The following EIF2S1 variants were observed in gnomAD, a reference collection of about 807,000 sequenced individuals.
EIF2S1 encodes the protein eukaryotic translation initiation factor 2 subunit alpha, also known as eukaryotic translation initiation factor 2 subunit 1.
In EIF2S1, 5 loss-of-function variants were observed where a neutral mutation model predicts 33.5. That is an observed-to-expected ratio of 0.15 (90% CI 0.08 to 0.31). The LOEUF (loss-of-function observed/expected upper bound fraction) is 0.31. EIF2S1 is among the 10% of genes least tolerant of loss of function. The probability of loss-of-function intolerance (pLI) is 1.00; values close to 1 mark genes in which losing one functional copy is unlikely to be tolerated. For missense variants in EIF2S1, 191 were observed against 384.6 expected, an observed-to-expected ratio of 0.50 and a Z score of 4.21; for synonymous variants, 99 against 127.5, an observed-to-expected ratio of 0.78 and a Z score of 1.51.
chr14:67,374,849 G>A (rs1223977181), intron 3 of EIF2S1, among the ~76,000 whole-genome samples: 4 of 152,016 alleles, frequency 2.6e-5, no homozygotes, highest in Admixed American at 1.3e-4. Context: ...AGTGATCCTT[G>A]AGCCTCAGCC....
chr14:67,376,416 T>C, intron 3 of EIF2S1, 23 bp from the exon 4 acceptor site: 6 of 1,567,714 alleles, frequency 3.8e-6, no homozygotes, highest in Non-Finnish European at 5.2e-6. Context: ...TTTGAATTGT[T>C]GAGCTTTTCA....
At chr14:67,368,559 A>C (rs1176545458) in intron 2 of EIF2S1, among the ~76,000 whole-genome samples, 2 of 152,236 alleles carry the variant, frequency 1.3e-5, no homozygotes, top group Non-Finnish European at 2.9e-5. Context: ...TAAATATAGA[A>C]GCTAAGAAAA....
chr14:67,366,401 A>G (rs923654227), intron 2 of EIF2S1, among the ~76,000 whole-genome samples: 6 of 152,224 alleles, frequency 3.9e-5, no homozygotes, highest in Admixed American at 6.5e-5. Context: ...AATATACACA[A>G]AAGGAGGAAT....
rs2085900326 is a variant in EIF2S1, at chr14:67,383,387, G to A, written c.895G>A (p.Glu299Lys). 6.2e-7 allele frequency: 1 copy of A among 1,613,560 alleles called. No homozygotes were observed. Among genetic ancestry groups the A allele is most frequent in the Non-Finnish European group, 8.5e-7 (1 of 1,179,722 alleles). The change falls in exon 8 of 8, where the codon GAA becomes AAA. Residue 299 changes from glutamate to lysine, a missense_variant. Transcript: ENST00000256383. The part of the protein sequence containing the change: ...QMERLERENA[E>K]VDGDDDAEEM... ...GGAGAGGCTTGAAAGAGAAAATGCC[G>A]AAGTGGATGGAGATGATGATGCAGA...
chr14:67,367,473 C>T (rs2085787697), intron 2 of EIF2S1, among the ~76,000 whole-genome samples: 2 of 152,224 alleles, frequency 1.3e-5, no homozygotes, highest in South Asian at 2.1e-4. Flanking sequence ...TTGTGATCCA[C>T]CCGCCTTGGC....
intron 1 of EIF2S1, among the ~76,000 whole-genome samples, chr14:67,362,032 CTTT>C (rs1233736237): frequency 1.1e-5 from 1 of 91,420 alleles, no homozygotes. Context: ...TTTCTTTTTT[CTTT>C]TTTTTTTTGA....
intron 1 of EIF2S1, among the ~76,000 whole-genome samples, chr14:67,361,075 A>C (rs986198355): frequency 2.0e-5 from 3 of 152,216 alleles, no homozygotes; most frequent in Non-Finnish European, 2.9e-5. Flanking sequence ...GACAATGAGA[A>C]TAGAACTGTG....
At chr14:67,376,229 G>C (rs1307567656) in intron 3 of EIF2S1, among the ~76,000 whole-genome samples, 1 of 152,182 alleles carries the variant, frequency 6.6e-6, no homozygotes, top group Non-Finnish European at 1.5e-5. Flanking sequence ...CAGAGATACT[G>C]TGTTACTGTC....
intron 1 of EIF2S1, among the ~76,000 whole-genome samples, chr14:67,362,784 G>T (rs1026562147): frequency 1.3e-5 from 2 of 152,072 alleles, no homozygotes; most frequent in African/African-American, 2.4e-5. Context: ...ATTTCATTAG[G>T]CAATATGTTC....
rs1158700110 is a variant in EIF2S1, at chr14:67,364,796, A to G, written c.29A>G (p.Gln10Arg). 1 of 1,613,702 alleles carries G rather than the reference A, an allele frequency of 6.2e-7. No individual in the cohort carries two copies. The highest frequency in any genetic ancestry group is 1.3e-5 in the African/African-American group (1 of 75,016). The change falls in exon 2 of 8, where the codon CAA becomes CGA. Residue 10 changes from glutamine to arginine, a missense_variant. Coordinates refer to ENST00000256383, the MANE Select transcript of EIF2S1 (RefSeq NM_004094.5). MPGLSCRFY[Q>R]HKFPEVEDVV... Reference sequence around the variant, plus strand: ...CCGGGTCTAAGTTGTAGATTTTATCAACACAAATTTCCTGAGGTGGAAGAT... The same window carrying G: ...CCGGGTCTAAGTTGTAGATTTTATCGACACAAATTTCCTGAGGTGGAAGAT...
chr14:67,375,776 T>G (rs2085854598), intron 3 of EIF2S1, among the ~76,000 whole-genome samples: 1 of 152,232 alleles, frequency 6.6e-6, no homozygotes, highest in South Asian at 2.1e-4. Context: ...CATCACCTGT[T>G]TTTTTAGAAA....
chr14:67,376,726 A>G (rs1595648726), intron 4 of EIF2S1, 136 bp downstream of exon 4: 1 of 817,002 alleles, frequency 1.2e-6, no homozygotes, highest in Non-Finnish European at 1.9e-6. Flanking sequence ...TAAATGGGCC[A>G]ATCCTATATG....
rs574143093 is a variant in EIF2S1, at chr14:67,360,440, TCA to T, written c.-11_-10del. The T allele has an allele frequency of 3.1e-5, 12 of 387,774 alleles. No homozygotes were observed. The South Asian group carries it at 1.7e-3, about 56-fold the overall frequency. 24.0% of individuals were successfully genotyped at this position (387,774 alleles called of 1,614,324 possible). A position where few individuals can be genotyped will look rare whatever the true frequency, so the allele number is the denominator to read the frequency against. On this transcript the variant is annotated 5_prime_UTR_variant, in exon 1 of 8. Transcript: ENST00000256383. ...TCGGCTCTGGGCTCCAGTGCGGGAA[TCA>T]CACACATACCTCAGGTGACTAATCC...
rs1335636362 is a variant in EIF2S1 at position 67,381,651 on chromosome 14, A to T, written c.639A>T (p.Arg213Ser). 1 of 1,613,674 alleles carries T rather than the reference A, an allele frequency of 6.2e-7. No individual in the cohort carries two copies. The highest frequency in any genetic ancestry group is 2.2e-5 in the East Asian group (1 of 44,846). ...TTGATGCTGTAAAAGAAGCCCTAAGAGCAGGTTTGAATTGTTCTACAGAAA... is the reference window on the plus strand; with the variant it reads ...TTGATGCTGTAAAAGAAGCCCTAAGTGCAGGTTTGAATTGTTCTACAGAAA... The part of the protein sequence containing the change: ...EGIDAVKEAL[R>S]AGLNCSTENM... Residue 213 changes from arginine (R) to serine (S), a missense_variant, in exon 6 of 8, where the codon AGA becomes AGT. Physicochemically the swap from Arg to Ser is moderately radical, Grantham distance 110. Transcript: ENST00000256383.
rs2085923699 is a variant in EIF2S1, at chr14:67,386,321, G to GAC, written c.*2883_*2884dup. ...AATGTTTTAGACACGACTAACAAGG[G>GAC]ACAGTTCAAACTATTAAAGAGAACA... On this transcript the variant is annotated 3_prime_UTR_variant, in exon 8 of 8. Transcript: ENST00000256383. 1 of 152,208 alleles carries GAC rather than the reference G, an allele frequency of 6.6e-6. No individual in the cohort carries two copies. Among genetic ancestry groups the GAC allele is most frequent in the Non-Finnish European group, 1.5e-5 (1 of 68,026 alleles). The allele number at this position is 152,208 out of a possible 1,614,324, so 9.4% of individuals were successfully genotyped here.
chr14:67,383,300 C>T lies in EIF2S1; in HGVS notation c.823-15C>T. On this transcript the variant is annotated splice_polypyrimidine_tract_variant and intron_variant, in intron 7 of 7. Transcript: ENST00000256383. ...TTTACTACTTCAGTTTGAAATTATA[C>T]CTCTGCTTCCACAGCCCAAAGTGGT... 6.2e-7 allele frequency: 1 copy of T among 1,611,764 alleles called. No individual in the cohort carries two copies. The highest frequency in any genetic ancestry group is 1.3e-5 in the African/African-American group (1 of 74,968).
chr14:67,383,736 G>A lies in EIF2S1; in HGVS notation c.*296G>A. The stretch of plus-strand genomic sequence containing the variant: ...GTGATTTCCATTTCTGATGTCTCCA[G>A]ATTGGCACCCCTTTCTAGTTCAATG... On this transcript the variant is annotated 3_prime_UTR_variant, in exon 8 of 8. Transcript: ENST00000256383. 1 of 353,756 alleles carries A rather than the reference G, an allele frequency of 2.8e-6. No individual in the cohort carries two copies. Among genetic ancestry groups the A allele is most frequent in the South Asian group, 2.3e-5 (1 of 42,982 alleles). 21.9% of individuals were successfully genotyped at this position (353,756 alleles called of 1,614,324 possible).
In EIF2S1 at chr14:67,381,590, T is replaced by C. The variant is rs2085888165; in HGVS notation, c.581-3T>C. The C allele has an allele frequency of 6.2e-7, 1 of 1,608,412 alleles. No individual in the cohort carries two copies. Among genetic ancestry groups the C allele is most frequent in the Non-Finnish European group, 8.5e-7 (1 of 1,177,132 alleles). On this transcript the variant is annotated splice_polypyrimidine_tract_variant and splice_region_variant and intron_variant, in intron 5 of 7. Transcript: ENST00000256383. ...ATCAACTTTTGAATTTTTGTAATTG[T>C]AGATATTGAAGTGGCTTGTTATGGT...
In EIF2S1 at chr14:67,382,575, C is replaced by T; in HGVS notation, c.807C>T (p.Phe269=). 1.2e-6 allele frequency: 2 copies of T among 1,613,782 alleles called. No individual in the cohort carries two copies. Among genetic ancestry groups the T allele is most frequent in the Non-Finnish European group, 1.7e-6 (2 of 1,179,868 alleles). The change falls in exon 7 of 8, where the codon TTC becomes TTT. Residue 269 remains phenylalanine (F), a synonymous_variant. Coordinates refer to ENST00000256383, the MANE Select transcript of EIF2S1 (RefSeq NM_004094.5). ...KEKIEEKRGV[F]NVQMEPKVVT... ...AGATTGAGGAAAAGAGGGGTGTGTT[C>T]AATGTTCAAATGGAGGTGAGATCAA...
Sources: allele counts gnomAD v4.1 joint callset (sites outside exome capture counted in the v4.1 genomes callset), GRCh38; gene constraint gnomAD v4.1.1; transcripts MANE v1.5; gene names NCBI Gene and HGNC (gene_info 2026-07-23, HGNC 2026-07-21).